TPRG1: variants seen among roughly 807,000 people sequenced by gnomAD.
TPRG1 encodes the protein tumor protein p63-regulated gene 1 protein.
In TPRG1, 29 loss-of-function variants were observed where a neutral mutation model predicts 29.3. That is an observed-to-expected ratio of 0.99 (90% CI 0.74 to 1.35). The LOEUF (loss-of-function observed/expected upper bound fraction) is 1.35. Among genes scored for constraint, TPRG1 ranks in the 40% most tolerant of loss-of-function variants. TPRG1 has a pLI of 0.00. For missense variants in TPRG1, 327 were observed against 335.0 expected, an observed-to-expected ratio of 0.98 and a Z score of 0.19; for synonymous variants, 130 against 116.8, an observed-to-expected ratio of 1.11 and a Z score of -0.73.
chr3:189,244,553 G>A (rs1048766123), intron 4 of TPRG1, among the ~76,000 whole-genome samples: 2 of 152,128 alleles, frequency 1.3e-5, no homozygotes, highest in Non-Finnish European at 2.9e-5. Flanking sequence ...ATCTCACATG[G>A]TAGGAGCAGG....
intron 4 of TPRG1, among the ~76,000 whole-genome samples, chr3:189,093,990 A>G (rs533619303): frequency 2.0e-5 from 3 of 152,262 alleles, no homozygotes; most frequent in East Asian, 1.9e-4. Context: ...GAATCTATCT[A>G]TATTTTTAAT....
intron 3 of TPRG1, among the ~76,000 whole-genome samples, chr3:189,233,094 G>A (rs1383661100): frequency 1.3e-5 from 2 of 152,056 alleles, no homozygotes; most frequent in Non-Finnish European, 2.9e-5. Flanking sequence ...TTTGAAGGGT[G>A]CATGAAGGTT....
intron 1 of TPRG1, among the ~76,000 whole-genome samples, chr3:189,100,950 A>C (rs1349516619): frequency 6.6e-6 from 1 of 152,228 alleles, no homozygotes; most frequent in Admixed American, 6.5e-5. Context: ...ACTCTGAGCA[A>C]ATGCCATGGT....
At chr3:189,301,414 A>G (rs1482256100) in intron 4 of TPRG1, among the ~76,000 whole-genome samples, 1 of 152,060 alleles carries the variant, frequency 6.6e-6, no homozygotes, top group Non-Finnish European at 1.5e-5. Context: ...AATTACATTT[A>G]ACACTTTATA....
intron 2 of TPRG1, among the ~76,000 whole-genome samples, chr3:189,213,745 C>T (rs1735625410): frequency 6.6e-6 from 1 of 151,954 alleles, no homozygotes; most frequent in Non-Finnish European, 1.5e-5. Context: ...TGTTTTTATT[C>T]CCTCTCCTCC....
chr3:189,020,437 T>C (rs1174875412), intron 3 of TPRG1, among the ~76,000 whole-genome samples: 2 of 151,736 alleles, frequency 1.3e-5, no homozygotes, highest in Admixed American at 6.6e-5. Context: ...TGTGTCTTTG[T>C]TCTCGTTGGT....
intron 4 of TPRG1, among the ~76,000 whole-genome samples, chr3:189,298,559 T>A (rs947717829): frequency 6.6e-6 from 1 of 152,174 alleles, no homozygotes; most frequent in East Asian, 1.9e-4. Flanking sequence ...ATAAAAGTAC[T>A]TCATCAGTGG....
At chr3:189,276,931 T>C (rs1446914552) in intron 4 of TPRG1, among the ~76,000 whole-genome samples, 1 of 152,164 alleles carries the variant, frequency 6.6e-6, no homozygotes, top group East Asian at 1.9e-4. Context: ...ACAACGTATA[T>C]ATTTTTTAAT....
rs749267423 is a variant in TPRG1, at chr3:189,165,579, C to T, written c.-10+14707C>T. On this transcript the variant is annotated intron_variant, in intron 5 of 6. Coordinates refer to the TPRG1 transcript ENST00000412373. ...TCTCAGGCAGGTGTCCAGGGACCTG[C>T]GCATCAAATGCTGTCTTCGGGGTGA... is the stretch of plus-strand genomic sequence containing the variant. Among the ~76,000 whole-genome samples, 6 of 151,890 alleles carry T rather than the reference C, an allele frequency of 4.0e-5. No homozygotes were observed. In the East Asian group the frequency reaches 5.8e-4, roughly 15 times the overall value.
Position 189,017,698 on chromosome 3 carries a change from A to G in TPRG1, c.-659-6052A>G, listed in dbSNP as rs975146840. Among the ~76,000 whole-genome samples the G allele has an allele frequency of 4.6e-5, 7 of 152,328 alleles. No individual in the cohort carries two copies. In the East Asian group the frequency reaches 5.8e-4, roughly 13 times the overall value. On this transcript the variant is annotated intron_variant, in intron 3 of 10. Coordinates refer to the TPRG1 transcript ENST00000433971. The stretch of plus-strand genomic sequence containing the variant: ...AGTGCCGCTATAAACATACGTGTGC[A>G]TGTCTCTTTATAGCAGCATGATTTA...
chr3:189,136,958 A>G (rs952370945), intron 3 of TPRG1, among the ~76,000 whole-genome samples: 25 of 152,322 alleles, frequency 1.6e-4, no homozygotes, highest in African/African-American at 5.8e-4. Flanking sequence ...GTGTATGGAG[A>G]CAATTTTTAA....
rs1249977749 is a variant in TPRG1 at position 189,321,820 on chromosome 3, G to A, written c.*1000G>A. The A allele has an allele frequency of 6.6e-6, 1 of 152,134 alleles. No homozygotes were observed. Among genetic ancestry groups the A allele is most frequent in the Non-Finnish European group, 1.5e-5 (1 of 68,014 alleles). The allele number at this position is 152,134 out of a possible 1,614,324, so 9.4% of individuals were successfully genotyped here. A position where few individuals can be genotyped will look rare whatever the true frequency, so the allele number is the denominator to read the frequency against. On this transcript the variant is annotated 3_prime_UTR_variant, in exon 6 of 6. Transcript: ENST00000345063. ...GTAGGTTCAATGCGGTTGGAGTGAA[G>A]ATGAGAATGCCACAGGCATCTTTCT...
intron 3 of TPRG1, among the ~76,000 whole-genome samples, chr3:189,016,606 A>C (rs1390325378): frequency 6.6e-6 from 1 of 152,078 alleles, no homozygotes; most frequent in African/African-American, 2.4e-5. Flanking sequence ...TCAAATTTTA[A>C]TCCTCATGTG....
chr3:189,312,102 T>TC (rs1553946140), intron 5 of TPRG1, among the ~76,000 whole-genome samples: 1,160 of 76,726 alleles, frequency 0.015, 127 homozygotes, highest in Middle Eastern at 0.024. Flanking sequence ...TCTTTGTTTC[T>TC]TTGTTTCTTT....
At chr3:189,263,661 C>T (rs1224769805) in intron 4 of TPRG1, among the ~76,000 whole-genome samples, 2 of 152,302 alleles carry the variant, frequency 1.3e-5, no homozygotes, top group East Asian at 1.9e-4. Flanking sequence ...AAATTGCCCA[C>T]TTATCTCTCA....
chr3:189,230,224 C>G (rs1738426941), intron 3 of TPRG1, among the ~76,000 whole-genome samples: 1 of 152,058 alleles, frequency 6.6e-6, no homozygotes, highest in Non-Finnish European at 1.5e-5. Flanking sequence ...GATGGTAGTG[C>G]AGTAGAGAGA....
At chr3:189,024,320 C>T (rs1320682031) in intron 4 of TPRG1, among the ~76,000 whole-genome samples, 1 of 152,184 alleles carries the variant, frequency 6.6e-6, no homozygotes, top group African/African-American at 2.4e-5. Context: ...ACCGCCTCTG[C>T]CCTGATTCGT....
chr3:189,191,552 T>C, intron 1 of TPRG1, among the ~76,000 whole-genome samples: 1 of 152,232 alleles, frequency 6.6e-6, no homozygotes, highest in East Asian at 1.9e-4. Flanking sequence ...GGAGTGGAAC[T>C]GGGTCAAAGT....
At chr3:189,045,027 T>C (rs16863918) in intron 4 of TPRG1, among the ~76,000 whole-genome samples, 2,854 of 152,286 alleles carry the variant, frequency 0.019, 91 homozygotes, top group African/African-American at 0.065. Context: ...AATCACCAAA[T>C]AAAACTGCTA....
Sources: allele counts gnomAD v4.1 joint callset (sites outside exome capture counted in the v4.1 genomes callset), GRCh38; gene constraint gnomAD v4.1.1; transcripts MANE v1.5; gene names NCBI Gene and HGNC (gene_info 2026-07-23, HGNC 2026-07-21).